NXN: variants seen among roughly 807,000 people sequenced by gnomAD.
NXN encodes the protein nucleoredoxin 1.
A neutral mutation model predicts 48.6 loss-of-function variants in NXN; 16 were observed. The observed-to-expected ratio is 0.33, with a 90% CI of 0.22 to 0.50. The LOEUF is 0.50. Ranked by LOEUF, NXN falls within the 20% of genes least tolerant of loss-of-function variation. The pLI, the probability that NXN is intolerant of heterozygous loss-of-function variation, is 0.98. For synonymous variants in NXN, 281 were observed against 269.6 expected (o/e 1.04, Z -0.41); for missense variants, 492 against 605.5 (o/e 0.81, Z 1.97).
chr17:839,814 A>AAAAAAT (rs1914039885), intron 1 of NXN, among the ~76,000 whole-genome samples: 2 of 141,568 alleles, frequency 1.4e-5, no homozygotes, highest in Non-Finnish European at 3.1e-5. Flanking sequence ...AAAAAAAAAA[A>AAAAAAT]GGCCAGGCAC....
chr17:834,943 G>C (rs907469626), intron 1 of NXN, among the ~76,000 whole-genome samples: 1 of 151,672 alleles, frequency 6.6e-6, no homozygotes, highest in Non-Finnish European at 1.5e-5. Flanking sequence ...TGGCCCCAGG[G>C]TGCATTCTCA....
intron 1 of NXN, among the ~76,000 whole-genome samples, chr17:888,962 C>CAAAA (rs71145786): frequency 5.9e-5 from 6 of 101,410 alleles, no homozygotes; most frequent in African/African-American, 1.0e-4. Context: ...AACTCCATCT[C>CAAAA]AAAAAAAAAA....
chr17:876,244 G>GAAGAGAAGAA (rs1175991729), intron 1 of NXN, among the ~76,000 whole-genome samples: 4 of 128,658 alleles, frequency 3.1e-5, no homozygotes, highest in East Asian at 2.7e-4. Flanking sequence ...AAGGAGAAGA[G>GAAGAGAAGAA]AAGAGAAGAA....
chr17:881,292 G>A (rs1348393047), intron 1 of NXN, among the ~76,000 whole-genome samples: 2 of 152,198 alleles, frequency 1.3e-5, no homozygotes, highest in Non-Finnish European at 2.9e-5. Context: ...CTGTTACCCA[G>A]GCTGGAGTGC....
intron 1 of NXN, among the ~76,000 whole-genome samples, chr17:957,499 GTGCA>G (rs1475615791): frequency 1.4e-3 from 218 of 152,196 alleles, no homozygotes; most frequent in African/African-American, 5.1e-3. Context: ...GAGCGTGGTG[GTGCA>G]CGCCTGTAGT....
intron 1 of NXN, among the ~76,000 whole-genome samples, chr17:974,219 T>C (rs560276764): frequency 0.01 from 1,588 of 151,552 alleles, 16 homozygotes; most frequent in African/African-American, 0.036. Flanking sequence ...GGCGTGGTGG[T>C]GGGCGCCTGT....
chr17:956,551 C>T lies in NXN; in HGVS notation c.360+22768G>A, dbSNP rs1249449193. 2.6e-5 allele frequency among the ~76,000 whole-genome samples: 4 copies of T among 152,050 alleles called. No homozygotes were observed. The highest frequency in any genetic ancestry group is 1.3e-4 in the Admixed American group (2 of 15,260). Reference sequence around the variant, plus strand: ...GCCTCAGCCTCCCAAGTAGCTGGGACTACAGGCGCCCGCCACCACGTCCGG... The same window carrying T: ...GCCTCAGCCTCCCAAGTAGCTGGGATTACAGGCGCCCGCCACCACGTCCGG... On this transcript the variant is annotated intron_variant, in intron 1 of 7. Transcript: ENST00000336868. This position sits in a 1 kb window ranked among gnomAD's most constrained non-coding sequence, Gnocchi z 4.1.
chr17:930,774 C>CTTT (rs66910992), intron 1 of NXN, among the ~76,000 whole-genome samples: 2 of 142,418 alleles, frequency 1.4e-5, no homozygotes, highest in Non-Finnish European at 3.0e-5. Context: ...GTTGAGTTTG[C>CTTT]TTTTTTTTTT....
chr17:824,347 C>T (rs1912983157), intron 2 of NXN, among the ~76,000 whole-genome samples: 1 of 152,222 alleles, frequency 6.6e-6, no homozygotes, highest in African/African-American at 2.4e-5. Flanking sequence ...GCACCTGGCC[C>T]TTCCAGGGGC....
chr17:803,862 A>G, intron 6 of NXN, 56 bp from the exon 7 acceptor site: 9 of 1,600,174 alleles, frequency 5.6e-6, no homozygotes, highest in Non-Finnish European at 7.7e-6. Flanking sequence ...GGCTTGTCAA[A>G]CAGAGCGGCA....
intron 5 of NXN, among the ~76,000 whole-genome samples, chr17:805,548 G>C (rs148622194): frequency 6.6e-6 from 1 of 152,156 alleles, no homozygotes; most frequent in African/African-American, 2.4e-5. Flanking sequence ...ACCTTATTCC[G>C]CTACAGAAAG....
At chr17:842,941 A>G (rs1409295925) in intron 1 of NXN, among the ~76,000 whole-genome samples, 2 of 151,760 alleles carry the variant, frequency 1.3e-5, no homozygotes, top group Non-Finnish European at 2.9e-5. Context: ...TTCCGTCTCA[A>G]AAAAAGAAAG....
At chr17:895,357 G>A (rs1334842636) in intron 1 of NXN, among the ~76,000 whole-genome samples, 5 of 151,776 alleles carry the variant, frequency 3.3e-5, no homozygotes, top group African/African-American at 4.8e-5. Context: ...AATGGAGAGA[G>A]GAAGAAAAGA....
At chr17:823,921 G>C (rs186347661) in intron 2 of NXN, among the ~76,000 whole-genome samples, 156 bp from the exon 3 acceptor site, 48 of 152,128 alleles carry the variant, frequency 3.2e-4, no homozygotes, top group Non-Finnish European at 5.4e-4. Flanking sequence ...AACAGTACTT[G>C]TCAACACACC....
chr17:960,131 C>T (rs570044153), intron 1 of NXN, among the ~76,000 whole-genome samples: 52 of 152,242 alleles, frequency 3.4e-4, no homozygotes, highest in African/African-American at 1.2e-3. Context: ...ACATTTGGAA[C>T]ATGTGGGAAT....
rs538301830 is a variant in NXN at position 932,041 on chromosome 17, G to A, written c.360+47278C>T. ...TGCCTATAATCCCAGCTAATGGGGAGGCTGAGGCAGGAGAATCGCTTGAAC... is the reference window on the plus strand; with the variant it reads ...TGCCTATAATCCCAGCTAATGGGGAAGCTGAGGCAGGAGAATCGCTTGAAC... On this transcript the variant is annotated intron_variant, in intron 1 of 7. Coordinates refer to ENST00000336868, the MANE Select transcript of NXN (RefSeq NM_022463.5). The surrounding 1 kb of genome is among the most constrained non-coding windows in gnomAD (Gnocchi z 4.1). Among the ~76,000 whole-genome samples the A allele has an allele frequency of 2.0e-5, 3 of 151,482 alleles. No homozygotes were observed. The South Asian group carries it at 6.2e-4, about 32-fold the overall frequency.
chr17:899,979 C>T (rs2068522032), intron 1 of NXN, among the ~76,000 whole-genome samples: 1 of 151,984 alleles, frequency 6.6e-6, no homozygotes, highest in Non-Finnish European at 1.5e-5. Flanking sequence ...TAAAACTTTT[C>T]TGAGGGCCGG....
Position 958,828 on chromosome 17 carries a change from G to A in NXN, c.360+20491C>T, listed in dbSNP as rs963922696. Among the ~76,000 whole-genome samples the A allele has an allele frequency of 2.0e-5, 3 of 151,134 alleles. No homozygotes were observed. Among genetic ancestry groups the A allele is most frequent in the Non-Finnish European group, 3.0e-5 (2 of 67,710 alleles). ...GCTCCTGTAGTCTCAGCTTCTCAGG[G>A]GGCTGAGGTGGGAGGATCGCTTGAG... On this transcript the variant is annotated intron_variant, in intron 1 of 7. Transcript: ENST00000336868. This position sits in a 1 kb window ranked among gnomAD's most constrained non-coding sequence, Gnocchi z 6.9.
chr17:927,683 G>A (rs75658729), intron 1 of NXN, among the ~76,000 whole-genome samples: 3,938 of 151,858 alleles, frequency 0.026, 149 homozygotes, highest in African/African-American at 0.089. Flanking sequence ...GTCAGACAGC[G>A]ATGGTTTGCG....
Sources: gnomAD v4.1 joint callset for allele counts (sites outside exome capture counted in the v4.1 genomes callset) on GRCh38, gnomAD v4.1.1 for gene constraint, Gnocchi (gnomAD v3.1) non-coding constraint, MANE v1.5 for transcripts, NCBI Gene and HGNC (gene_info 2026-07-23, HGNC 2026-07-21) for gene names.